Variants in NPAS2 observed in about 807,000 individuals in gnomAD.
NPAS2 encodes the protein neuronal PAS domain protein 2, also known as neuronal PAS domain-containing protein 2.
NPAS2 carries 23 observed loss-of-function variants against 107.5 expected under a neutral mutation model. The ratio of observed to expected loss-of-function variants is 0.21; its 90% CI spans 0.15 to 0.30. NPAS2 has a LOEUF of 0.30. Ranked by LOEUF, NPAS2 falls within the 10% of genes least tolerant of loss-of-function variation. The pLI, the probability that NPAS2 is intolerant of heterozygous loss-of-function variation, is 1.00. For missense variants in NPAS2, 756 were observed against 1,043.3 expected (o/e 0.72, Z 3.79); for synonymous variants, 403 against 417.5 (o/e 0.97, Z 0.42).
chr2:100,966,097 G>T (rs961970908), intron 10 of NPAS2, among the ~76,000 whole-genome samples: 2 of 151,950 alleles, frequency 1.3e-5, no homozygotes, highest in Non-Finnish European at 2.9e-5. Flanking sequence ...ATAAAATACC[G>T]AATTCTCATA....
intron 1 of NPAS2, among the ~76,000 whole-genome samples, chr2:100,876,737 T>G (rs1679994238): frequency 6.6e-6 from 1 of 152,068 alleles, no homozygotes; most frequent in South Asian, 2.1e-4. Context: ...ATCCCATCTG[T>G]TTGGGCATCT....
chr2:100,883,920 C>T (rs963631217), intron 1 of NPAS2, among the ~76,000 whole-genome samples: 1 of 152,158 alleles, frequency 6.6e-6, no homozygotes, highest in East Asian at 1.9e-4. Flanking sequence ...CCAGCCCACA[C>T]AGAGAAGTGT....
intron 15 of NPAS2, among the ~76,000 whole-genome samples, chr2:100,981,025 C>T (rs1454928316): frequency 2.6e-5 from 4 of 152,170 alleles, no homozygotes; most frequent in Non-Finnish European, 5.9e-5. Context: ...TTGCCTGGGG[C>T]AGCAGCTGGC....
chr2:100,927,176 C>T (rs1683632138), intron 3 of NPAS2, among the ~76,000 whole-genome samples: 1 of 152,070 alleles, frequency 6.6e-6, no homozygotes, highest in Non-Finnish European at 1.5e-5. Flanking sequence ...CCTCGTGATT[C>T]ACCCGCCCCG....
intron 12 of NPAS2, among the ~76,000 whole-genome samples, chr2:100,973,586 A>T (rs1676747759): frequency 6.6e-6 from 1 of 152,128 alleles, no homozygotes; most frequent in African/African-American, 2.4e-5. Flanking sequence ...TGTAGGTCAC[A>T]TGTCAGTCAC....
chr2:100,918,673 C>T (rs1683036431), intron 2 of NPAS2, among the ~76,000 whole-genome samples: 1 of 152,180 alleles, frequency 6.6e-6, no homozygotes, highest in African/African-American at 2.4e-5. Flanking sequence ...CCATTAGATA[C>T]ATGCAAATTA....
Position 100,903,983 on chromosome 2 carries a change from G to A in NPAS2, c.-22-750G>A, listed in dbSNP as rs573606229. On this transcript the variant is annotated intron_variant, in intron 1 of 20. Transcript: ENST00000335681. The stretch of plus-strand genomic sequence containing the variant: ...AGTGGCCTGGGAGAGTAGAGGCTCC[G>A]GTGTTGAGGAAGAACATTCCTGGAT... Among the ~76,000 whole-genome samples, 13 of 152,238 alleles carry A rather than the reference G, an allele frequency of 8.5e-5. No individual in the cohort carries two copies. The South Asian group carries it at 2.5e-3, about 29-fold the overall frequency.
At chr2:100,848,454 A>G (rs1677927751) in intron 1 of NPAS2, among the ~76,000 whole-genome samples, 2 of 152,192 alleles carry the variant, frequency 1.3e-5, no homozygotes, top group South Asian at 4.1e-4. Flanking sequence ...CTCATGAAAC[A>G]GGGAGGATTT....
intron 16 of NPAS2, chr2:100,983,191 A>C (rs1244827298): frequency 6.6e-6 from 1 of 152,226 alleles, no homozygotes; most frequent in Non-Finnish European, 1.5e-5. Context: ...GGACAGAAAG[A>C]AGCAGAAATA....
chr2:100,900,608 TC>T (rs1681711635), intron 1 of NPAS2, among the ~76,000 whole-genome samples: 1 of 152,158 alleles, frequency 6.6e-6, no homozygotes, highest in East Asian at 1.9e-4. Context: ...CACAGAGACT[TC>T]TATATGACTC....
intron 7 of NPAS2, among the ~76,000 whole-genome samples, chr2:100,955,651 C>T (rs1573714878): frequency 6.6e-6 from 1 of 151,902 alleles, no homozygotes; most frequent in South Asian, 2.1e-4. Context: ...TGGATTGTGT[C>T]ACTCCTGGTG....
At chr2:100,900,574 C>A (rs1302691215) in intron 1 of NPAS2, among the ~76,000 whole-genome samples, 1 of 152,060 alleles carries the variant, frequency 6.6e-6, no homozygotes, top group East Asian at 1.9e-4. Context: ...ATATATACAC[C>A]CAAGAGGAAC....
intron 10 of NPAS2, among the ~76,000 whole-genome samples, chr2:100,967,887 G>A (rs903265165): frequency 6.6e-6 from 1 of 152,212 alleles, no homozygotes; most frequent in Non-Finnish European, 1.5e-5. Context: ...TGGCTGGCAG[G>A]TCTGTTTTCG....
chr2:100,840,191 A>G (rs1240888927), intron 1 of NPAS2, among the ~76,000 whole-genome samples: 1 of 152,172 alleles, frequency 6.6e-6, no homozygotes, highest in Non-Finnish European at 1.5e-5. Flanking sequence ...GATCCTGCCC[A>G]CAGGGGTCGA....
chr2:100,978,446 T>C (rs59781029), intron 15 of NPAS2, among the ~76,000 whole-genome samples: 4,095 of 152,186 alleles, frequency 0.027, 195 homozygotes, highest in African/African-American at 0.093. Context: ...AAGGTCTGAA[T>C]TGGGCTGCAT....
intron 1 of NPAS2, among the ~76,000 whole-genome samples, chr2:100,879,091 C>T (rs189805511): frequency 3.4e-5 from 5 of 146,278 alleles, no homozygotes; most frequent in African/African-American, 5.1e-5. Context: ...CCAGCCTGGG[C>T]GACAGAGCGA....
At position 100,942,277 on chromosome 2, in the gene NPAS2, G is replaced by A. The variant is rs1329169665; in HGVS notation, c.363+4435G>A. 3.3e-5 allele frequency among the ~76,000 whole-genome samples: 5 copies of A among 152,158 alleles called. No homozygotes were observed. The East Asian group carries it at 7.7e-4, about 24-fold the overall frequency. On this transcript the variant is annotated intron_variant, in intron 5 of 20. Transcript: ENST00000335681. ...ACAGCAGGAGGAGATCCCAGGAAAG[G>A]AAAGCCAAAGCCCCTGGCCTGTGTT...
intron 1 of NPAS2, among the ~76,000 whole-genome samples, chr2:100,879,418 T>C (rs1680194490): frequency 6.6e-6 from 1 of 152,180 alleles, no homozygotes; most frequent in South Asian, 2.1e-4. Flanking sequence ...ACTACAATCC[T>C]CATGTTACTC....
intron 1 of NPAS2, among the ~76,000 whole-genome samples, chr2:100,838,398 C>A (rs929158825): frequency 6.6e-6 from 1 of 152,116 alleles, no homozygotes; most frequent in African/African-American, 2.4e-5. Context: ...CTGCCTCCAC[C>A]TCCTGAGTAG....
Sources: allele counts gnomAD v4.1 joint callset (sites outside exome capture counted in the v4.1 genomes callset), GRCh38; gene constraint gnomAD v4.1.1; transcripts MANE v1.5; gene names NCBI Gene and HGNC (gene_info 2026-07-23, HGNC 2026-07-21).